Variants in SIPA1L2 observed in about 807,000 individuals in gnomAD.
The protein encoded by SIPA1L2 is signal induced proliferation associated 1 like 2, also known as signal-induced proliferation-associated 1-like protein 2.
A neutral mutation model predicts 163.9 loss-of-function variants in SIPA1L2; 56 were observed. That is an observed-to-expected ratio of 0.34 (90% CI 0.28 to 0.43). SIPA1L2 has a LOEUF of 0.43. Among genes scored for constraint, SIPA1L2 ranks in the 20% least tolerant of loss-of-function variants. SIPA1L2 has a pLI of 1.00. For missense variants in SIPA1L2, 1,974 were observed against 2,193.5 expected, an observed-to-expected ratio of 0.90 and a Z score of 2.00; for synonymous variants, 877 against 865.7, an observed-to-expected ratio of 1.01 and a Z score of -0.23.
chr1:232,531,886 A>G (rs1182825088), intron 2 of SIPA1L2, among the ~76,000 whole-genome samples: 2 of 152,140 alleles, frequency 1.3e-5, no homozygotes, highest in Admixed American at 6.5e-5. Context: ...GAGGAGGGGA[A>G]GGAGCTCCAA....
At position 232,415,581 on chromosome 1, in the gene SIPA1L2, A is replaced by C; in HGVS notation, c.4675T>G (p.Cys1559Gly). 3 of 1,614,016 alleles carry C rather than the reference A, an allele frequency of 1.9e-6. No individual in the cohort carries two copies. The highest frequency in any genetic ancestry group is 2.5e-6 in the Non-Finnish European group (3 of 1,179,946). ...AGGGGCATCAGGCCAGGATCTGCGC[A>C]CTTGGACTTATCTGATAAGGACCCA... ...SDGSLSDKSK[C>G]ADPGLMPLPD... The change falls in exon 19 of 23, where the codon TGC becomes GGC. Residue 1559 changes from cysteine (C) to glycine (G), a missense_variant. Physicochemically the swap from Cys to Gly is radical, Grantham distance 159. Around this residue, in one of 3 missense-constraint regions of SIPA1L2, gnomAD observed 1,079 missense variants for 1,150.7 expected, o/e 0.94. Coordinates refer to ENST00000674635, the MANE Select transcript of SIPA1L2 (RefSeq NM_020808.5).
rs150534863 is a variant in SIPA1L2, at chr1:232,550,301, T to A, written c.-270+23873A>T. On this transcript the variant is annotated intron_variant, in intron 2 of 22. Coordinates refer to ENST00000674635, the MANE Select transcript of SIPA1L2 (RefSeq NM_020808.5). ...TTATATCAAGTCAAATATTTGCATT[T>A]CTCAGTATTTTAAATATGAACGTTC... 9.8e-5 allele frequency among the ~76,000 whole-genome samples: 15 copies of A among 152,292 alleles called. 1 individual carries two copies. The East Asian group carries it at 2.9e-3, about 29-fold the overall frequency.
chr1:232,423,458 A>G (rs1416290278), intron 18 of SIPA1L2, among the ~76,000 whole-genome samples: 1 of 152,244 alleles, frequency 6.6e-6, no homozygotes, highest in Admixed American at 6.5e-5. Flanking sequence ...ATACACTTCA[A>G]TACAAATTAC....
Position 232,398,895 on chromosome 1 carries a change from T to TC in SIPA1L2, c.*231dup. Reference sequence around the variant, plus strand: ...TCTCAACTGTCGCCAGGGTTTACATTCATCTTCACACCAGGAGTTACATTC... The same window carrying TC: ...TCTCAACTGTCGCCAGGGTTTACATTCCATCTTCACACCAGGAGTTACATTC... On this transcript the variant is annotated 3_prime_UTR_variant, in exon 23 of 23. Transcript: ENST00000674635. 5.8e-6 allele frequency: 3 copies of TC among 519,442 alleles called. No homozygotes were observed. The highest frequency in any genetic ancestry group is 1.0e-5 in the Non-Finnish European group (3 of 295,626). 32.2% of individuals were successfully genotyped at this position (519,442 alleles called of 1,614,324 possible). A position where few individuals can be genotyped will look rare whatever the true frequency, so the allele number is the denominator to read the frequency against.
At chr1:232,589,856 A>C (rs1660873024) in intron 1 of SIPA1L2, among the ~76,000 whole-genome samples, 1 of 152,244 alleles carries the variant, frequency 6.6e-6, no homozygotes, top group African/African-American at 2.4e-5. Flanking sequence ...AAAAAAGAAA[A>C]AAGAATCTCC....
chr1:232,464,859 T>G lies in SIPA1L2; in HGVS notation c.2801A>C (p.Glu934Ala). 6.2e-7 allele frequency: 1 copy of G among 1,605,520 alleles called. No homozygotes were observed. Among genetic ancestry groups the G allele is most frequent in the Middle Eastern group, 1.7e-4 (1 of 6,010 alleles). The change falls in exon 9 of 23, where the codon GAA becomes GCA. Residue 934 changes from glutamate to alanine, a missense_variant. Glu to Ala is a moderately radical substitution (Grantham distance 107, BLOSUM62 -1). Around this residue, in one of 3 missense-constraint regions of SIPA1L2, gnomAD observed 1,079 missense variants for 1,150.7 expected, o/e 0.94. Transcript: ENST00000674635. Reference protein sequence around the residue: ...SVDNCAEDIREIVQRLVIVTR... With the variant: ...SVDNCAEDIRAIVQRLVIVTR... ...ACTTACTACTAATCGCTGAACAATT[T>G]CCCTGATGTCTTCAGCACAGTTGTC...
At chr1:232,432,856 T>C (rs1662331140) in intron 15 of SIPA1L2, among the ~76,000 whole-genome samples, 1 of 152,170 alleles carries the variant, frequency 6.6e-6, no homozygotes, top group South Asian at 2.1e-4. Flanking sequence ...CACAATGGAA[T>C]AGCATTACAT....
At chr1:232,597,412 T>A (rs1354783569) in intron 1 of SIPA1L2, among the ~76,000 whole-genome samples, 1 of 151,326 alleles carries the variant, frequency 6.6e-6, no homozygotes. Flanking sequence ...GCGCGGTGGC[T>A]CACACCTGTA....
chr1:232,455,316 A>G (rs914794150), intron 10 of SIPA1L2, among the ~76,000 whole-genome samples: 5 of 152,210 alleles, frequency 3.3e-5, no homozygotes, highest in African/African-American at 7.2e-5. Flanking sequence ...ACACGCACGC[A>G]TATGTTCACT....
chr1:232,553,658 T>C (rs1658534607), intron 2 of SIPA1L2, among the ~76,000 whole-genome samples: 1 of 152,218 alleles, frequency 6.6e-6, no homozygotes, highest in Admixed American at 6.5e-5. Context: ...CTGTCTCCTA[T>C]ATTTATACTC....
chr1:232,591,795 G>C (rs1206588270), intron 1 of SIPA1L2, among the ~76,000 whole-genome samples: 2 of 152,192 alleles, frequency 1.3e-5, no homozygotes, highest in Non-Finnish European at 2.9e-5. Context: ...AGTGAACGGA[G>C]GTTGCTCTAC....
Position 232,514,350 on chromosome 1 carries a change from T to G in SIPA1L2, c.990A>C (p.Ala330=). 6.2e-7 allele frequency: 1 copy of G among 1,613,352 alleles called. No homozygotes were observed. The highest frequency in any genetic ancestry group is 8.5e-7 in the Non-Finnish European group (1 of 1,180,030). ...ACAAAATGCTCTGGACATCATAATG[T>G]GCAAAACATCGCTGACAATTCCAAG... The part of the protein sequence containing the change: ...IRPWNCQRCF[A]HYDVQSILFN... The change falls in exon 3 of 23, where the codon GCA becomes GCC. Residue 330 remains alanine (A), a synonymous_variant. Transcript: ENST00000674635.
At chr1:232,499,687 C>T (rs1012926355) in intron 3 of SIPA1L2, among the ~76,000 whole-genome samples, 3 of 152,134 alleles carry the variant, frequency 2.0e-5, no homozygotes, top group Non-Finnish European at 2.9e-5. Flanking sequence ...ACAGTGGCTA[C>T]GATAAACAAC....
chr1:232,434,926 T>C (rs983627766), intron 15 of SIPA1L2, among the ~76,000 whole-genome samples: 2 of 152,194 alleles, frequency 1.3e-5, no homozygotes, highest in Admixed American at 6.5e-5. Flanking sequence ...GTGATGATCA[T>C]GTACAGGACA....
At position 232,445,651 on chromosome 1, in the gene SIPA1L2, G is replaced by T; in HGVS notation, c.3231C>A (p.Leu1077=). ...HRVPTPALQP[L]SRASPIPGTP... is the part of the protein sequence containing the mutation. ...TGCCGGGGATGGGGGAAGCTCTAGAGAGGGGCTGCAGGGCAGGAGTGGGCA... is the reference window on the plus strand; with the variant it reads ...TGCCGGGGATGGGGGAAGCTCTAGATAGGGGCTGCAGGGCAGGAGTGGGCA... The change falls in exon 11 of 23, where the codon CTC becomes CTA. Residue 1077 remains leucine, a synonymous_variant. Transcript: ENST00000674635. 1 of 1,613,850 alleles carries T rather than the reference G, an allele frequency of 6.2e-7. No homozygotes were observed. The highest frequency in any genetic ancestry group is 8.5e-7 in the Non-Finnish European group (1 of 1,179,924).
intron 1 of SIPA1L2, among the ~76,000 whole-genome samples, chr1:232,580,177 A>C (rs1660301280): frequency 6.6e-6 from 1 of 152,174 alleles, no homozygotes; most frequent in African/African-American, 2.4e-5. Context: ...TTTTAGACTA[A>C]ATAGTAACTT....
chr1:232,428,097 G>A (rs1337809308), intron 17 of SIPA1L2, among the ~76,000 whole-genome samples: 1 of 152,142 alleles, frequency 6.6e-6, no homozygotes, highest in Non-Finnish European at 1.5e-5. Context: ...AGAGCATTGA[G>A]GTCAAGAGGC....
intron 10 of SIPA1L2, among the ~76,000 whole-genome samples, chr1:232,451,160 T>C (rs1044984093): frequency 1.3e-5 from 2 of 152,202 alleles, no homozygotes; most frequent in Non-Finnish European, 2.9e-5. Flanking sequence ...TAAGCGATCA[T>C]CAAACCTAGT....
intron 2 of SIPA1L2, among the ~76,000 whole-genome samples, chr1:232,557,615 C>T (rs1162814729): frequency 6.6e-6 from 1 of 152,234 alleles, no homozygotes. Flanking sequence ...ACTGTGACTT[C>T]CATGTGTTCT....
Sources: gnomAD v4.1 joint callset for allele counts (sites outside exome capture counted in the v4.1 genomes callset) on GRCh38, gnomAD v4.1.1 for gene constraint, gnomAD v4.1.1 regional missense constraint, MANE v1.5 for transcripts, NCBI Gene and HGNC (gene_info 2026-07-23, HGNC 2026-07-21) for gene names.